The following ITGBL1 variants were observed in gnomAD, a reference collection of about 807,000 sequenced individuals.
ITGBL1 encodes the protein integrin beta-like protein 1.
Under a neutral mutation model 68.5 loss-of-function variants are expected in ITGBL1, and 51 were observed. The ratio of observed to expected loss-of-function variants is 0.74; its 90% CI spans 0.59 to 0.94. The LOEUF is 0.94. ITGBL1 is among the 40% of genes least tolerant of loss of function. ITGBL1 has a pLI of 0.00. For missense variants in ITGBL1, 649 were observed against 647.4 expected (o/e 1.00, Z -0.03); for synonymous variants, 209 against 227.3 (o/e 0.92, Z 0.72).
chr13:101,687,189 A>G (rs1314013517), intron 7 of ITGBL1, among the ~76,000 whole-genome samples: 1 of 152,032 alleles, frequency 6.6e-6, no homozygotes, highest in Non-Finnish European at 1.5e-5. Context: ...TTAGAGACAT[A>G]TATATCTTTT....
intron 2 of ITGBL1, among the ~76,000 whole-genome samples, chr13:101,513,035 T>G (rs1477166766): frequency 6.6e-6 from 1 of 152,034 alleles, no homozygotes; most frequent in East Asian, 1.9e-4. Context: ...CAACTTTAAC[T>G]TGCAAGAACT....
intron 2 of ITGBL1, among the ~76,000 whole-genome samples, chr13:101,553,814 G>T (rs560108287): frequency 1.3e-5 from 2 of 152,082 alleles, no homozygotes; most frequent in East Asian, 1.9e-4. Flanking sequence ...TTCTCTCATT[G>T]CCCAGGCAGA....
intron 2 of ITGBL1, among the ~76,000 whole-genome samples, chr13:101,544,831 A>G (rs776972978): frequency 1.3e-5 from 2 of 152,200 alleles, no homozygotes; most frequent in Non-Finnish European, 2.9e-5. Context: ...GCAAGGCTCC[A>G]TGGTCATAGG....
In ITGBL1 at chr13:101,579,331, T is replaced by G. The variant is rs775331538; in HGVS notation, c.631T>G (p.Trp211Gly). The G allele has an allele frequency of 1.4e-5, 23 of 1,613,874 alleles. No individual in the cohort carries two copies. The highest frequency in any genetic ancestry group is 1.9e-5 in the Non-Finnish European group (23 of 1,179,914). ...TGGAAACTGCTACTGCAAGGCTGGTTGGCATGGAGATAAATGTGAATTCCA... is the reference window on the plus strand; with the variant it reads ...TGGAAACTGCTACTGCAAGGCTGGTGGGCATGGAGATAAATGTGAATTCCA... Reference protein sequence around the residue: ...YCGNCYCKAGWHGDKCEFQCD... With the variant: ...YCGNCYCKAGGHGDKCEFQCD... Residue 211 changes from tryptophan to glycine, a missense_variant, in exon 5 of 11, where the codon TGG (tryptophan) becomes GGG (glycine). Physicochemically the swap from Trp to Gly is radical, Grantham distance 184. Transcript: ENST00000376180.
At chr13:101,606,735 G>A (rs111416590) in intron 7 of ITGBL1, among the ~76,000 whole-genome samples, 3 of 151,972 alleles carry the variant, frequency 2.0e-5, no homozygotes, top group Non-Finnish European at 4.4e-5. Flanking sequence ...CATTAGCTTG[G>A]CTCTCTGAAT....
At chr13:101,495,536 C>T (rs2048845030) in intron 2 of ITGBL1, among the ~76,000 whole-genome samples, 2 of 152,186 alleles carry the variant, frequency 1.3e-5, no homozygotes, top group African/African-American at 2.4e-5. Flanking sequence ...TGCAGCTCCT[C>T]AACAGTGGGA....
chr13:101,661,032 T>G (rs2033072578), intron 7 of ITGBL1, among the ~76,000 whole-genome samples: 1 of 151,908 alleles, frequency 6.6e-6, no homozygotes, highest in African/African-American at 2.4e-5. Flanking sequence ...GAAACAGGAC[T>G]AAGGAAACAA....
At chr13:101,477,380 A>G (rs777100103) in intron 2 of ITGBL1, among the ~76,000 whole-genome samples, 1 of 152,098 alleles carries the variant, frequency 6.6e-6, no homozygotes, top group African/African-American at 2.4e-5. Flanking sequence ...CCTACATCAA[A>G]AAAGTACAAA....
chr13:101,580,314 T>C (rs2050434001), intron 5 of ITGBL1, among the ~76,000 whole-genome samples: 2 of 152,308 alleles, frequency 1.3e-5, no homozygotes, highest in South Asian at 4.1e-4. Context: ...GAGTAAAATG[T>C]GCCACATTTC....
intron 6 of ITGBL1, among the ~76,000 whole-genome samples, chr13:101,584,607 G>A (rs4771405): frequency 0.19 from 29,646 of 152,034 alleles, 3,011 homozygotes; most frequent in Non-Finnish European, 0.23. Context: ...ATTGCAGAAG[G>A]GTTTCCCTCT....
chr13:101,638,333 A>G (rs2032243844), intron 7 of ITGBL1, among the ~76,000 whole-genome samples: 1 of 152,178 alleles, frequency 6.6e-6, no homozygotes, highest in Admixed American at 6.5e-5. Context: ...CAAAGGAAAG[A>G]GCATACCCTT....
downstream of ITGBL1, chr13:101,716,567 A>C (rs2034730659): frequency 6.6e-6 from 1 of 152,150 alleles, no homozygotes; most frequent in Non-Finnish European, 1.5e-5. Context: ...TTATGCGTAC[A>C]AGAAATCTGA....
intron 7 of ITGBL1, among the ~76,000 whole-genome samples, chr13:101,685,147 T>C (rs1256591295): frequency 6.6e-6 from 1 of 152,016 alleles, no homozygotes; most frequent in East Asian, 1.9e-4. Flanking sequence ...GTGAGTTTGA[T>C]TGGTACAATA....
intron 2 of ITGBL1, among the ~76,000 whole-genome samples, chr13:101,520,780 G>A (rs1270691689): frequency 6.6e-6 from 1 of 152,202 alleles, no homozygotes; most frequent in Admixed American, 6.5e-5. Context: ...GAAGAGAGAA[G>A]CCAGAGGATT....
In ITGBL1 at chr13:101,587,422, G is replaced by T. The variant is rs76538363; in HGVS notation, c.868+4066G>T. Among the ~76,000 whole-genome samples, 1,381 of 152,182 alleles carry T rather than the reference G, an allele frequency of 9.1e-3. 21 individuals are homozygous for T. Among genetic ancestry groups the T allele is most frequent in the African/African-American group, 0.031 (1,305 of 41,522 alleles). On this transcript the variant is annotated intron_variant, in intron 6 of 10. Coordinates refer to ENST00000376180, the MANE Select transcript of ITGBL1 (RefSeq NM_004791.3). ...ACACGCACCCCTCAAAGACAATACG[G>T]TTGACACAATTTGAGTGTGACTGAA... is the stretch of plus-strand genomic sequence containing the variant.
chr13:101,634,854 T>A (rs1234315780), intron 7 of ITGBL1, among the ~76,000 whole-genome samples: 3 of 151,476 alleles, frequency 2.0e-5, no homozygotes, highest in Non-Finnish European at 4.4e-5. Context: ...AAGGGGTGAA[T>A]GAAAAGGGAG....
intron 2 of ITGBL1, among the ~76,000 whole-genome samples, chr13:101,560,453 A>AT (rs1328269614): frequency 2.6e-5 from 4 of 152,188 alleles, no homozygotes; most frequent in African/African-American, 9.6e-5. Context: ...GAGAGAATAA[A>AT]TTTTTAATAC....
intron 8 of ITGBL1, among the ~76,000 whole-genome samples, chr13:101,697,298 A>G (rs1428306646): frequency 2.6e-5 from 4 of 152,190 alleles, no homozygotes; most frequent in Non-Finnish European, 5.9e-5. Flanking sequence ...TGATCATCCT[A>G]GAATAATATC....
At chr13:101,682,611 C>A (rs1351334064) in intron 7 of ITGBL1, among the ~76,000 whole-genome samples, 1 of 151,930 alleles carries the variant, frequency 6.6e-6, no homozygotes, top group African/African-American at 2.4e-5. Context: ...ATATATATTA[C>A]TTCTATTGTG....
Sources: allele counts gnomAD v4.1 joint callset (sites outside exome capture counted in the v4.1 genomes callset), GRCh38; gene constraint gnomAD v4.1.1; transcripts MANE v1.5; gene names NCBI Gene and HGNC (gene_info 2026-07-23, HGNC 2026-07-21).